The following TAS2R10 variants were observed in gnomAD, a reference collection of about 807,000 sequenced individuals.
TAS2R10 encodes taste receptor type 2 member 10.
For synonymous variants in TAS2R10, 144 were observed against 126.6 expected, an observed-to-expected ratio of 1.14 and a Z score of -0.92; for missense variants, 385 against 362.0, an observed-to-expected ratio of 1.06 and a Z score of -0.52.
At chr12:10,826,275 C>T (rs1354822058) in exon 1 of TAS2R10, 1 of 1,582,238 alleles carries the variant, frequency 6.3e-7, no homozygotes, top group Non-Finnish European at 8.6e-7. Flanking sequence ...AGCATATCTG[C>T]TAATTCTTAA....
Position 10,826,346 on chromosome 12 carries a change from C to T in TAS2R10, c.-77G>A, listed in dbSNP as rs183658010. On this transcript the variant is annotated 5_prime_UTR_variant, in exon 1 of 1. Transcript: ENST00000240619. ...TGCAGAATGAGGCATATATTGGCTG[C>T]TCGACGGAAGTGTGACTTTCTTCTC... The T allele has an allele frequency of 4.7e-6, 5 of 1,065,584 alleles. No homozygotes were observed. The Admixed American group carries it at 1.2e-4, about 25-fold the overall frequency. The allele number at this position is 1,065,584 out of a possible 1,614,324, so 66.0% of individuals were successfully genotyped here. A position where few individuals can be genotyped will look rare whatever the true frequency, so the allele number is the denominator to read the frequency against.
chr12:10,825,241 GAC>G, downstream of TAS2R10: 1 of 854,592 alleles, frequency 1.2e-6, no homozygotes, highest in Non-Finnish European at 1.8e-6. Context: ...GATCTTTAAT[GAC>G]ACAGTTAAAA....
rs367643819 is a variant in TAS2R10, at chr12:10,825,709, T to A, written c.561A>T (p.Thr187=). 39 of 1,613,428 alleles carry A rather than the reference T, an allele frequency of 2.4e-5. No homozygotes were observed. The African/African-American group carries it at 3.6e-4, about 15-fold the overall frequency. Reference sequence around the variant, plus strand: ...AAAAAATACATGTAATTAGGGATAGTGTAAAGAAGAAAATGACTCCCAGAT... The same window carrying A: ...AAAAAATACATGTAATTAGGGATAGAGTAAAGAAGAAAATGACTCCCAGAT... The change falls in exon 1 of 1, where the codon ACA becomes ACT. Residue 187 remains threonine (T), a synonymous_variant. Transcript: ENST00000240619.
chr12:10,826,025 T>C, exon 1 of TAS2R10: 1 of 1,613,392 alleles, frequency 6.2e-7, no homozygotes, highest in Non-Finnish European at 8.5e-7. Context: ...ACTAATATAT[T>C]CAATTAGGTT....
At chr12:10,825,338 C>T in exon 1 of TAS2R10, 1 of 1,589,918 alleles carries the variant, frequency 6.3e-7, no homozygotes, top group African/African-American at 1.4e-5. Context: ...CATCTCTTCC[C>T]AAGGTGTCTA....
chr12:10,825,246 A>G, downstream of TAS2R10: 1 of 884,054 alleles, frequency 1.1e-6, no homozygotes, highest in Non-Finnish European at 1.7e-6. Flanking sequence ...TTAATGACAC[A>G]GTTAAAAAGA....
Position 10,826,071 on chromosome 12 carries a change from T to A in TAS2R10, c.199A>T (p.Ile67Leu), listed in dbSNP as rs1391045158. The A allele has an allele frequency of 1.9e-6, 3 of 1,613,200 alleles. No homozygotes were observed. The East Asian group carries it at 6.7e-5, about 36-fold the overall frequency. Residue 67 changes from isoleucine (I) to leucine (L), a missense_variant, in exon 1 of 1, where the codon ATA becomes TTA. Coordinates refer to ENST00000240619, the Ensembl canonical transcript of TAS2R10. ...TATATATTTGGAGAGAATATCTGTA[T>A]AAATCCATCTGTAATTATTATCCAT... is the stretch of plus-strand genomic sequence containing the variant.
exon 1 of TAS2R10, chr12:10,825,409 G>A (rs1948856792): frequency 6.2e-7 from 1 of 1,613,478 alleles, no homozygotes; most frequent in Non-Finnish European, 8.5e-7. Flanking sequence ...CCCTCAAAGA[G>A]GCTTGCTTTA....
exon 1 of TAS2R10, chr12:10,825,915 G>A (rs1216830841): frequency 6.2e-7 from 1 of 1,613,530 alleles, no homozygotes; most frequent in Non-Finnish European, 8.5e-7. Context: ...TTCAACCAGA[G>A]AAATATGTAG....
At chr12:10,825,305 C>T (rs776599184), downstream of TAS2R10, 2 of 1,481,704 alleles carry the variant, frequency 1.3e-6, no homozygotes, top group Non-Finnish European at 1.8e-6. Flanking sequence ...GATTTATTCA[C>T]TGGATTCCTT....
exon 1 of TAS2R10, chr12:10,826,339 T>A: frequency 1.7e-6 from 2 of 1,145,044 alleles, no homozygotes; most frequent in Non-Finnish European, 2.5e-6. Flanking sequence ...GAGGCATATA[T>A]TGGCTGCTCG....
exon 1 of TAS2R10, chr12:10,825,763 A>C (rs758989931): frequency 1.1e-5 from 18 of 1,613,144 alleles, no homozygotes; most frequent in Non-Finnish European, 1.5e-5. Context: ...TAAAGTATTC[A>C]CTTTTATACA....
At chr12:10,825,583 C>CA in the TAS2R10 span, 1 of 1,613,488 alleles carries the variant, frequency 6.2e-7, no homozygotes. Context: ...TGAAAGATAT[C>CA]AAAACTTTCA....
At chr12:10,825,305 C>A (rs776599184), downstream of TAS2R10, 5 of 1,481,706 alleles carry the variant, frequency 3.4e-6, no homozygotes, top group South Asian at 5.1e-5. Context: ...GATTTATTCA[C>A]TGGATTCCTT....
chr12:10,825,986 C>T, exon 1 of TAS2R10: 4 of 1,613,620 alleles, frequency 2.5e-6, no homozygotes, highest in African/African-American at 1.3e-5. Flanking sequence ...AAACCACATA[C>T]TTGATTGATT....
exon 1 of TAS2R10, chr12:10,825,394 C>G: frequency 1.9e-6 from 3 of 1,613,312 alleles, no homozygotes; most frequent in Non-Finnish European, 2.5e-6. Context: ...TCAATTGCTG[C>G]AGTACCCTCA....
At chr12:10,825,753 T>G in exon 1 of TAS2R10, 1 of 1,613,430 alleles carries the variant, frequency 6.2e-7, no homozygotes, top group Non-Finnish European at 8.5e-7. Context: ...ATCTGTTTAA[T>G]AAAGTATTCA....
chr12:10,825,837 C>G lies in TAS2R10; in HGVS notation c.433G>C (p.Ala145Pro), dbSNP rs372322160. 180 of 1,612,522 alleles carry G rather than the reference C, an allele frequency of 1.1e-4. No individual in the cohort carries two copies. Among genetic ancestry groups the G allele is most frequent in the Non-Finnish European group, 1.5e-4 (173 of 1,179,286 alleles). Reference sequence around the variant, plus strand: ...TCATTAAGAATCTTCGCAATGTATGCAAAATTAAGTAACGATGAAATAAGT... The same window carrying G: ...TCATTAAGAATCTTCGCAATGTATGGAAAATTAAGTAACGATGAAATAAGT... The change falls in exon 1 of 1, where the codon GCA becomes CCA. Residue 145 changes from alanine (A) to proline (P), a missense_variant. By Grantham distance (27) the Ala-to-Pro change is conservative. Coordinates refer to ENST00000240619, the Ensembl canonical transcript of TAS2R10.
exon 1 of TAS2R10, chr12:10,826,015 A>G: frequency 1.2e-6 from 2 of 1,613,614 alleles, no homozygotes; most frequent in Non-Finnish European, 1.7e-6. Context: ...CCCAAAAGTA[A>G]CTAATATATT....
Sources: gnomAD v4.1 joint callset for allele counts on GRCh38, gnomAD v4.1.1 for gene constraint, MANE v1.5 for transcripts, NCBI Gene and HGNC (gene_info 2026-07-23, HGNC 2026-07-21) for gene names.